Variants in PCDH7 observed in about 807,000 individuals in gnomAD.
PCDH7 encodes the protein protocadherin 7.
A neutral mutation model predicts 58.9 loss-of-function variants in PCDH7; 17 were observed. The ratio of observed to expected loss-of-function variants is 0.29; its 90% confidence interval spans 0.20 to 0.43. The LOEUF (loss-of-function observed/expected upper bound fraction) is 0.43. Among genes scored for constraint, PCDH7 ranks in the 20% least tolerant of loss-of-function variants. The pLI, the probability that PCDH7 is intolerant of heterozygous loss-of-function variation, is 1.00. For missense variants in PCDH7, 1,274 were observed against 1,441.0 expected, an observed-to-expected ratio of 0.88 and a Z score of 1.88; for synonymous variants, 664 against 616.4, an observed-to-expected ratio of 1.08 and a Z score of -1.14.
intron 1 of PCDH7, among the ~76,000 whole-genome samples, chr4:30,871,466 G>A (rs1735576503): frequency 6.6e-6 from 1 of 152,012 alleles, no homozygotes; most frequent in Admixed American, 6.6e-5. Flanking sequence ...TATTCTGTTG[G>A]TGAGCACAAG....
rs548503167 is a variant in PCDH7, at chr4:31,026,777, A to C, written c.*7+76562A>C. Among the ~76,000 whole-genome samples the C allele has an allele frequency of 3.9e-5, 6 of 152,290 alleles. No homozygotes were observed. In the South Asian group the frequency reaches 1.2e-3, roughly 32 times the overall value. ...GGGGAAAAAACCTGCACACACACAT[A>C]GACACACATACACACCTGTGGACTC... is the stretch of plus-strand genomic sequence containing the variant. On this transcript the variant is annotated intron_variant, in intron 3 of 3. Transcript: ENST00000509759.
chr4:31,002,542 G>A (rs752860872), intron 3 of PCDH7, among the ~76,000 whole-genome samples: 32 of 152,120 alleles, frequency 2.1e-4, no homozygotes, highest in Non-Finnish European at 3.2e-4. Flanking sequence ...ATTAGTTTCT[G>A]GTGCATGACT....
intron 3 of PCDH7, among the ~76,000 whole-genome samples, chr4:31,006,850 C>G (rs1489606862): frequency 1.3e-5 from 2 of 150,568 alleles, no homozygotes; most frequent in African/African-American, 2.4e-5. Context: ...TGAGATCACG[C>G]TACTGCACTC....
Position 30,943,387 on chromosome 4 carries a change from T to C in PCDH7, c.288-6733T>C, listed in dbSNP as rs534826690. ...TAATTCTCACTGCATTTTTATTATG[T>C]AGGTTTTATTATTTCACCAGTGAGC... On this transcript the variant is annotated intron_variant, in intron 2 of 3. Coordinates refer to the PCDH7 transcript ENST00000509759. Among the ~76,000 whole-genome samples the C allele has an allele frequency of 6.0e-4, 92 of 152,284 alleles. 2 individuals are homozygous for C. Among genetic ancestry groups the C allele is most frequent in the Admixed American group, 4.8e-3 (73 of 15,278 alleles).
chr4:31,078,456 T>G (rs765587173), intron 3 of PCDH7, among the ~76,000 whole-genome samples: 3 of 151,718 alleles, frequency 2.0e-5, no homozygotes, highest in Non-Finnish European at 4.4e-5. Context: ...CTAACTTTTT[T>G]TTTCTTCCTT....
At chr4:31,051,447 G>C (rs1249057604) in intron 3 of PCDH7, among the ~76,000 whole-genome samples, 1 of 152,130 alleles carries the variant, frequency 6.6e-6, no homozygotes, top group Non-Finnish European at 1.5e-5. Flanking sequence ...GAGGCATAGT[G>C]AAGCTACAGA....
At chr4:31,068,070 T>C (rs542300521) in intron 3 of PCDH7, among the ~76,000 whole-genome samples, 1 of 152,114 alleles carries the variant, frequency 6.6e-6, no homozygotes, top group East Asian at 1.9e-4. Flanking sequence ...AGAGACATGA[T>C]GCAGACACGA....
At chr4:31,129,744 G>A (rs962944363) in intron 3 of PCDH7, among the ~76,000 whole-genome samples, 5 of 151,814 alleles carry the variant, frequency 3.3e-5, no homozygotes, top group African/African-American at 4.8e-5. Flanking sequence ...GTGATTCTCC[G>A]GCCTCGGCCT....
At chr4:31,029,576 G>C (rs1233845363) in intron 3 of PCDH7, among the ~76,000 whole-genome samples, 1 of 152,200 alleles carries the variant, frequency 6.6e-6, no homozygotes, top group South Asian at 2.1e-4. Context: ...ACAAGTCTTG[G>C]CTCATAGCTC....
chr4:31,069,976 C>T (rs1758415346), intron 3 of PCDH7, among the ~76,000 whole-genome samples: 1 of 151,866 alleles, frequency 6.6e-6, no homozygotes, highest in African/African-American at 2.4e-5. Flanking sequence ...TTTCACAGCC[C>T]AAATACTTTG....
chr4:30,888,754 G>A (rs145527569), intron 1 of PCDH7, among the ~76,000 whole-genome samples: 1 of 152,154 alleles, frequency 6.6e-6, no homozygotes. Flanking sequence ...GGACTGGAGA[G>A]TGGTTTGACA....
In PCDH7 at chr4:31,085,815, C is replaced by A. The variant is rs144662147; in HGVS notation, c.*8-56658C>A. 6.3e-3 allele frequency among the ~76,000 whole-genome samples: 951 copies of A among 151,504 alleles called. 8 individuals carry two copies. The highest frequency in any genetic ancestry group is 0.024 in the Middle Eastern group (7 of 290). The stretch of plus-strand genomic sequence containing the variant: ...TAAAGTCAAAAATATATTGTGACAT[C>A]CTACATACACATCAGACTCTTTTCT... On this transcript the variant is annotated intron_variant, in intron 3 of 3. Transcript: ENST00000509759.
At chr4:30,744,973 A>G (rs1005627876) in intron 1 of PCDH7, among the ~76,000 whole-genome samples, 10 of 152,214 alleles carry the variant, frequency 6.6e-5, no homozygotes, top group African/African-American at 1.9e-4. Flanking sequence ...TCTTGGCTCT[A>G]AATGACTTTT....
intron 3 of PCDH7, among the ~76,000 whole-genome samples, chr4:31,097,479 AGG>A (rs1363587452): frequency 1.4e-4 from 19 of 138,782 alleles, no homozygotes; most frequent in South Asian, 5.0e-4. Context: ...GAAGAAAGAA[AGG>A]AAGAAAGAAA....
chr4:30,966,587 T>A (rs369537433), intron 3 of PCDH7, among the ~76,000 whole-genome samples: 1 of 152,130 alleles, frequency 6.6e-6, no homozygotes, highest in East Asian at 1.9e-4. Flanking sequence ...ATTTTTTTGT[T>A]TGAGGGGAGT....
At chr4:30,827,059 A>G (rs896159344) in intron 1 of PCDH7, among the ~76,000 whole-genome samples, 1 of 152,300 alleles carries the variant, frequency 6.6e-6, no homozygotes. Flanking sequence ...TCACCTTAGT[A>G]TTAGAAAGAT....
At chr4:30,740,268 G>GTGA (rs1229576311) in intron 1 of PCDH7, among the ~76,000 whole-genome samples, 2 of 152,148 alleles carry the variant, frequency 1.3e-5, no homozygotes, top group Non-Finnish European at 2.9e-5. Flanking sequence ...CTTCCCTTCA[G>GTGA]TGATATTTCA....
intron 1 of PCDH7, among the ~76,000 whole-genome samples, chr4:30,750,050 T>C (rs1470085760): frequency 1.3e-5 from 2 of 151,892 alleles, no homozygotes; most frequent in Non-Finnish European, 2.9e-5. Flanking sequence ...GGCAGGGATG[T>C]TGCTAAACCT....
intron 3 of PCDH7, among the ~76,000 whole-genome samples, chr4:31,010,825 C>T (rs1054252190): frequency 6.6e-6 from 1 of 151,812 alleles, no homozygotes; most frequent in Admixed American, 6.6e-5. Context: ...AAAAATAATA[C>T]AATGATTTTA....
Sources: gnomAD v4.1 joint callset for allele counts (sites outside exome capture counted in the v4.1 genomes callset) on GRCh38, gnomAD v4.1.1 for gene constraint, MANE v1.5 for transcripts, NCBI Gene and HGNC (gene_info 2026-07-23, HGNC 2026-07-21) for gene names.